The following TAMM41 variants were observed in gnomAD, a reference collection of about 807,000 sequenced individuals.
TAMM41 encodes TAM41 mitochondrial translocator assembly and maintenance homolog, also known as phosphatidate cytidylyltransferase, mitochondrial.
TAMM41 carries 36 observed loss-of-function variants against 44.1 expected under a neutral mutation model. The observed-to-expected ratio is 0.82, with a 90% CI of 0.63 to 1.08. The LOEUF (loss-of-function observed/expected upper bound fraction) is 1.08, where lower values mean the gene tolerates loss of function less well. Among genes scored for constraint, TAMM41 ranks in the 50% least tolerant of loss-of-function variants. The pLI is 0.00. For missense variants in TAMM41, 417 were observed against 404.3 expected (o/e 1.03, Z -0.27); for synonymous variants, 164 against 153.1 (o/e 1.07, Z -0.53).
the TAMM41 span, among the ~76,000 whole-genome samples, chr3:11,732,999 T>TTTG: frequency 9.4e-6 from 1 of 106,670 alleles, no homozygotes; most frequent in African/African-American, 3.1e-5. Context: ...GTTTTTTTTT[T>TTTG]GTTTGTTTGT....
downstream of TAMM41, among the ~76,000 whole-genome samples, chr3:11,786,782 G>A (rs1472891705): frequency 2.0e-5 from 3 of 151,812 alleles, no homozygotes; most frequent in South Asian, 2.1e-4. Context: ...GTAGAGATGC[G>A]GAAGTCTCAC....
intron 1 of TAMM41, among the ~76,000 whole-genome samples, chr3:11,844,670 C>G (rs2079594431): frequency 6.6e-6 from 1 of 152,190 alleles, no homozygotes; most frequent in Admixed American, 6.5e-5. Flanking sequence ...CTCCGCTTTT[C>G]TTCTGGATCA....
At chr3:11,734,878 C>CAAAAAAAAAAAAAAAA in the TAMM41 span, among the ~76,000 whole-genome samples, 3 of 73,304 alleles carry the variant, frequency 4.1e-5, no homozygotes, top group Admixed American at 1.5e-4. Context: ...TACTAAAATA[C>CAAAAAAAAAAAAAAAA]AAAAAAAAAA....
At chr3:11,731,148 A>C in the TAMM41 span, among the ~76,000 whole-genome samples, 1 of 152,198 alleles carries the variant, frequency 6.6e-6, no homozygotes, top group African/African-American at 2.4e-5. Flanking sequence ...CAAGCAGGCT[A>C]TGTCTGTATT....
At chr3:11,780,066 C>T in the TAMM41 span, among the ~76,000 whole-genome samples, 1 of 152,152 alleles carries the variant, frequency 6.6e-6, no homozygotes, top group Non-Finnish European at 1.5e-5. Context: ...TACAGTCTTC[C>T]CCTTTCTAGT....
chr3:11,807,450 C>T, intron 7 of TAMM41: 4 of 1,389,142 alleles, frequency 2.9e-6, no homozygotes, highest in Non-Finnish European at 3.6e-6. Flanking sequence ...AAAAATAACC[C>T]ACTAAGACAG....
intron 7 of TAMM41, among the ~76,000 whole-genome samples, chr3:11,793,179 CAA>C (rs1267862843): frequency 6.6e-6 from 1 of 150,830 alleles, no homozygotes; most frequent in African/African-American, 2.4e-5. Context: ...ATTCAGTAAG[CAA>C]AAGAGACAAC....
the TAMM41 span, among the ~76,000 whole-genome samples, chr3:11,779,911 C>T: frequency 6.6e-6 from 1 of 152,188 alleles, no homozygotes; most frequent in Non-Finnish European, 1.5e-5. Context: ...CCCATTTGTG[C>T]CAGCGGGAGC....
the TAMM41 span, among the ~76,000 whole-genome samples, chr3:11,743,726 C>T: frequency 6.6e-6 from 1 of 152,108 alleles, no homozygotes; most frequent in Non-Finnish European, 1.5e-5. Flanking sequence ...CTCCCTCTGT[C>T]GCCTCACTTC....
chr3:11,834,670 TC>T (rs2125045418), intron 3 of TAMM41, among the ~76,000 whole-genome samples: 1 of 152,284 alleles, frequency 6.6e-6, no homozygotes, highest in African/African-American at 2.4e-5. Flanking sequence ...AGAAAGTCCA[TC>T]TTTTTAAGCA....
At chr3:11,798,173 A>G (rs1444019996) in intron 7 of TAMM41, among the ~76,000 whole-genome samples, 2 of 152,238 alleles carry the variant, frequency 1.3e-5, no homozygotes, top group African/African-American at 4.8e-5. Flanking sequence ...AATATAATTC[A>G]TTATATCACA....
intron 7 of TAMM41, among the ~76,000 whole-genome samples, chr3:11,798,680 G>A (rs1056418627): frequency 1.3e-5 from 2 of 152,088 alleles, no homozygotes; most frequent in Admixed American, 6.5e-5. Context: ...AGAACAAGGT[G>A]GAGAAGGATA....
rs80173019 is a variant in TAMM41, at chr3:11,825,415, T to C, written c.562+4299A>G. Among the ~76,000 whole-genome samples, 700 of 152,266 alleles carry C rather than the reference T, an allele frequency of 4.6e-3. 4 individuals are homozygous for C. Among genetic ancestry groups the C allele is most frequent in the African/African-American group, 0.016 (663 of 41,552 alleles). On this transcript the variant is annotated intron_variant, in intron 4 of 7. Coordinates refer to ENST00000455809, the MANE Select transcript of TAMM41 (RefSeq NM_001284401.2). ...AAAGTCCTGAGGCAGTCAGCTCCCA[T>C]ATGCTGATACAACCACACTGCTTGT...
intron 7 of TAMM41, 40 bp from the exon 8 acceptor site, chr3:11,790,621 T>A (rs759012840): frequency 2.6e-6 from 4 of 1,537,170 alleles, no homozygotes; most frequent in Admixed American, 1.7e-5. Flanking sequence ...GATGGAGGCT[T>A]GTTGAGTGGA....
At chr3:11,759,643 G>A in the TAMM41 span, among the ~76,000 whole-genome samples, 320 of 152,052 alleles carry the variant, frequency 2.1e-3, 2 homozygotes, top group African/African-American at 7.1e-3. Context: ...AGGTTTTAGC[G>A]TCTAGATGAA....
chr3:11,790,924 C>G (rs989267654), intron 7 of TAMM41, among the ~76,000 whole-genome samples: 2 of 152,108 alleles, frequency 1.3e-5, no homozygotes, highest in African/African-American at 4.8e-5. Context: ...CCACTGGGTC[C>G]CCGTTCTCTC....
At chr3:11,836,011 A>G (rs1264430787) in intron 3 of TAMM41, among the ~76,000 whole-genome samples, 12 of 132,948 alleles carry the variant, frequency 9.0e-5, no homozygotes, top group African/African-American at 3.4e-4. Flanking sequence ...TTTTTTTGAG[A>G]CTGGGTCTCG....
Position 11,837,900 on chromosome 3 carries a change from G to A in TAMM41, c.411+1322C>T, listed in dbSNP as rs189172990. Among the ~76,000 whole-genome samples, 160 of 152,268 alleles carry A rather than the reference G, an allele frequency of 1.1e-3. 1 individual carries two copies. Among genetic ancestry groups the A allele is most frequent in the African/African-American group, 3.6e-3 (148 of 41,548 alleles). On this transcript the variant is annotated intron_variant, in intron 3 of 7. Transcript: ENST00000455809. ...GGGGGAGGGCAGCAGGAGGGAGAGT[G>A]GACTGTGACCCGGCTTCTACTCCCA...
In TAMM41 at chr3:11,841,754, T is replaced by C. The variant is rs111570714; in HGVS notation, c.318+2275A>G. Among the ~76,000 whole-genome samples the C allele has an allele frequency of 6.5e-3, 993 of 152,328 alleles. 10 individuals carry two copies. The highest frequency in any genetic ancestry group is 0.022 in the African/African-American group (930 of 41,572). On this transcript the variant is annotated intron_variant, in intron 2 of 7. Coordinates refer to ENST00000455809, the MANE Select transcript of TAMM41 (RefSeq NM_001284401.2). ...TTCCCCCCAACTCCAGCAGCAGCAC[T>C]GCAGAAAGCCCTTCTAGCTGCAGGC... is the stretch of plus-strand genomic sequence containing the variant.
Sources: allele counts gnomAD v4.1 joint callset (sites outside exome capture counted in the v4.1 genomes callset), GRCh38; gene constraint gnomAD v4.1.1; transcripts MANE v1.5; gene names NCBI Gene and HGNC (gene_info 2026-07-23, HGNC 2026-07-21).